TMEM108: variants seen among roughly 807,000 people sequenced by gnomAD.
The protein encoded by TMEM108 is transmembrane protein 108.
Under a neutral mutation model 35.1 loss-of-function variants are expected in TMEM108, and 12 were observed. The observed-to-expected ratio is 0.34, with a 90% confidence interval of 0.22 to 0.55. The LOEUF (loss-of-function observed/expected upper bound fraction) is 0.55. Among genes scored for constraint, TMEM108 ranks in the 20% least tolerant of loss-of-function variants. The pLI, the probability that TMEM108 is intolerant of heterozygous loss-of-function variation, is 0.89. For missense variants in TMEM108, 680 were observed against 753.3 expected, an observed-to-expected ratio of 0.90 and a Z score of 1.14; for synonymous variants, 287 against 308.6, an observed-to-expected ratio of 0.93 and a Z score of 0.73.
rs534504882 is a variant in TMEM108 at position 133,097,124 on chromosome 3, C to T, written c.-47+51104C>T. ...CATTGTAGAAACAGCAGTCTTTAAT[C>T]TGTTTCCAGAATGCAGTGTGCTTAG... On this transcript the variant is annotated intron_variant, in intron 2 of 5. Transcript: ENST00000321871. 4.5e-4 allele frequency among the ~76,000 whole-genome samples: 69 copies of T among 152,310 alleles called. 1 individual carries two copies. The South Asian group carries it at 0.014, about 32-fold the overall frequency.
chr3:133,080,355 A>G (rs138954174), intron 2 of TMEM108, among the ~76,000 whole-genome samples: 2 of 152,362 alleles, frequency 1.3e-5, no homozygotes, highest in Non-Finnish European at 2.9e-5. Context: ...CAGAGGCCTC[A>G]AAATAACTGA....
intron 2 of TMEM108, among the ~76,000 whole-genome samples, chr3:133,081,907 A>G (rs116041173): frequency 7.9e-5 from 12 of 152,334 alleles, no homozygotes; most frequent in African/African-American, 2.2e-4. Context: ...AAGATCATCT[A>G]TAGAGGAGTC....
chr3:133,227,242 G>T (rs528298753), intron 2 of TMEM108, among the ~76,000 whole-genome samples: 5 of 138,802 alleles, frequency 3.6e-5, no homozygotes, highest in African/African-American at 1.3e-4. Context: ...GCCCAGGCTG[G>T]AGTGCAGTGG....
At chr3:133,293,347 T>C (rs1947099383) in intron 3 of TMEM108, among the ~76,000 whole-genome samples, 1 of 150,686 alleles carries the variant, frequency 6.6e-6, no homozygotes, top group African/African-American at 2.4e-5. Flanking sequence ...TTTGTATCTG[T>C]TCCCAAGCCT....
intron 2 of TMEM108, among the ~76,000 whole-genome samples, chr3:133,078,826 C>G (rs1026453123): frequency 2.0e-5 from 3 of 152,072 alleles, no homozygotes; most frequent in Non-Finnish European, 2.9e-5. Flanking sequence ...ATAGTTGGAT[C>G]TTGTAGGAAA....
rs147234740 is a variant in TMEM108, at chr3:133,047,511, A to G, written c.-47+1491A>G. 6.3e-3 allele frequency among the ~76,000 whole-genome samples: 967 copies of G among 152,294 alleles called. 7 individuals carry two copies. The highest frequency in any genetic ancestry group is 0.037 in the Middle Eastern group (11 of 294). ...AGAGTTAGTTTCTCAACCTTACACT[A>G]TTTATTGACACTTTGAGCCAGGCAA... is the stretch of plus-strand genomic sequence containing the variant. On this transcript the variant is annotated intron_variant, in intron 2 of 5. Coordinates refer to ENST00000321871, the MANE Select transcript of TMEM108 (RefSeq NM_023943.4).
At position 133,380,211 on chromosome 3, in the gene TMEM108, G is replaced by A. The variant is rs2072966808; in HGVS notation, c.500G>A (p.Arg167Lys). The A allele has an allele frequency of 1.9e-6, 3 of 1,611,870 alleles. No individual in the cohort carries two copies. Among genetic ancestry groups the A allele is most frequent in the Non-Finnish European group, 2.5e-6 (3 of 1,178,890 alleles). The change falls in exon 4 of 6, where the codon AGG (arginine) becomes AAG (lysine). Residue 167 changes from arginine to lysine, a missense_variant. Physicochemically the swap from Arg to Lys is conservative, Grantham distance 26. Around this residue, in one of 3 missense-constraint regions of TMEM108, gnomAD observed 526 missense variants for 532.1 expected, o/e 0.99. Coordinates refer to ENST00000321871, the MANE Select transcript of TMEM108 (RefSeq NM_023943.4). This position sits in a 1 kb window ranked among gnomAD's most constrained non-coding sequence, Gnocchi z 5.3. The part of the protein sequence containing the change: ...PPRTTTRRPP[R>K]PPGSSRKGAG... The stretch of plus-strand genomic sequence containing the variant: ...CGCACTACCACACGCAGGCCCCCCA[G>A]GCCCCCAGGCTCTTCCCGAAAAGGG...
intron 2 of TMEM108, among the ~76,000 whole-genome samples, chr3:133,100,961 T>C (rs992051405): frequency 3.9e-5 from 6 of 152,248 alleles, no homozygotes; most frequent in African/African-American, 1.4e-4. Context: ...ATTTTTAGAA[T>C]TGAAATTGTA....
intron 2 of TMEM108, among the ~76,000 whole-genome samples, chr3:133,090,289 G>T (rs1371847008): frequency 6.6e-6 from 1 of 152,182 alleles, no homozygotes; most frequent in African/African-American, 2.4e-5. Context: ...TCATCAGGGA[G>T]CATTTCTTGA....
At chr3:133,081,421 GA>G (rs1305263302) in intron 2 of TMEM108, among the ~76,000 whole-genome samples, 4 of 152,124 alleles carry the variant, frequency 2.6e-5, no homozygotes, top group Admixed American at 6.6e-5. Context: ...TCACCCTCAT[GA>G]CCTCATCTAA....
chr3:133,385,586 C>T (rs1010884688), intron 4 of TMEM108, among the ~76,000 whole-genome samples: 2 of 152,356 alleles, frequency 1.3e-5, no homozygotes, highest in South Asian at 4.1e-4. Context: ...CACTGGCACC[C>T]ATGGGCGAAT....
intron 2 of TMEM108, among the ~76,000 whole-genome samples, chr3:133,073,506 CTCTCTATATATATATA>C (rs1943701493): frequency 1.3e-5 from 1 of 78,994 alleles, no homozygotes; most frequent in African/African-American, 6.0e-5. Flanking sequence ...CTCTCTCTCT[CTCTCTATATATATATA>C]TATATATATA....
At chr3:133,073,451 C>CTT (rs35002643) in intron 2 of TMEM108, among the ~76,000 whole-genome samples, 171 of 110,400 alleles carry the variant, frequency 1.5e-3, no homozygotes, top group African/African-American at 5.1e-3. Context: ...ACAGGATTCT[C>CTT]TTTTTTTTTT....
chr3:133,336,866 C>T (rs1207999911), intron 3 of TMEM108, among the ~76,000 whole-genome samples: 3 of 152,102 alleles, frequency 2.0e-5, no homozygotes, highest in Admixed American at 6.5e-5. Flanking sequence ...AACAAGCCAA[C>T]TGAAGAGCTC....
chr3:133,115,387 A>G (rs956124697), intron 2 of TMEM108, among the ~76,000 whole-genome samples: 6 of 152,346 alleles, frequency 3.9e-5, no homozygotes, highest in African/African-American at 1.2e-4. Context: ...ATCATTCTTC[A>G]TGGATTACGT....
chr3:133,181,038 A>AAAAAAAAAAAAAAAAAAAAAAC (rs869218859), intron 2 of TMEM108, among the ~76,000 whole-genome samples: 2 of 126,516 alleles, frequency 1.6e-5, no homozygotes, highest in African/African-American at 5.7e-5. Flanking sequence ...AAAAAAAAAA[A>AAAAAAAAAAAAAAAAAAAAAAC]CAGCACTCCC....
At chr3:133,125,644 GTT>G (rs1944405809) in intron 2 of TMEM108, among the ~76,000 whole-genome samples, 1 of 152,074 alleles carries the variant, frequency 6.6e-6, no homozygotes, top group Non-Finnish European at 1.5e-5. Flanking sequence ...TAGAACAAAT[GTT>G]TTCTTTTAGA....
chr3:133,203,726 C>T (rs750811575), intron 2 of TMEM108, among the ~76,000 whole-genome samples: 1 of 151,958 alleles, frequency 6.6e-6, no homozygotes, highest in Admixed American at 6.6e-5. Context: ...TTCGCGTTGA[C>T]CTTCATCAGG....
chr3:133,222,718 G>A (rs1030931405), intron 2 of TMEM108, among the ~76,000 whole-genome samples: 1 of 151,784 alleles, frequency 6.6e-6, no homozygotes, highest in Non-Finnish European at 1.5e-5. Flanking sequence ...CTCCAGAATT[G>A]TCTACTTTGT....
Sources: allele counts gnomAD v4.1 joint callset (sites outside exome capture counted in the v4.1 genomes callset), GRCh38; gene constraint gnomAD v4.1.1; regional missense constraint gnomAD v4.1.1; non-coding constraint Gnocchi (gnomAD v3.1); transcripts MANE v1.5; gene names NCBI Gene and HGNC (gene_info 2026-07-23, HGNC 2026-07-21).